MAST2: variants seen among roughly 807,000 people sequenced by gnomAD.
MAST2 encodes microtubule-associated serine/threonine-protein kinase 2.
MAST2 carries 70 observed loss-of-function variants against 147.4 expected under a neutral mutation model. That is an observed-to-expected ratio of 0.47 (90% confidence interval 0.39 to 0.58). The LOEUF (loss-of-function observed/expected upper bound fraction) is 0.58. Ranked by LOEUF, MAST2 falls within the 20% of genes least tolerant of loss-of-function variation. The pLI is 0.00. For synonymous variants in MAST2, 869 were observed against 896.8 expected (o/e 0.97, Z 0.55); for missense variants, 2,080 against 2,302.3 (o/e 0.90, Z 1.98).
intron 3 of MAST2, among the ~76,000 whole-genome samples, chr1:45,835,752 G>T (rs1238662992): frequency 6.6e-6 from 1 of 151,886 alleles, no homozygotes; most frequent in Non-Finnish European, 1.5e-5. Flanking sequence ...CCATTAAACA[G>T]TCATTATTCA....
chr1:45,815,874 CT>C (rs1256590339), intron 1 of MAST2, among the ~76,000 whole-genome samples: 1 of 152,176 alleles, frequency 6.6e-6, no homozygotes, highest in Non-Finnish European at 1.5e-5. Flanking sequence ...TACTGGAGGG[CT>C]GGGAAATGTC....
At chr1:45,958,423 A>G (rs972575989) in intron 4 of MAST2, among the ~76,000 whole-genome samples, 6 of 151,598 alleles carry the variant, frequency 4.0e-5, no homozygotes, top group African/African-American at 1.5e-4. Context: ...AGTCCTTCAT[A>G]TCATTCAGCT....
In MAST2 at chr1:46,025,827, G is replaced by A; in HGVS notation, c.1919+12G>A. 6.2e-7 allele frequency: 1 copy of A among 1,614,202 alleles called. No homozygotes were observed. Among genetic ancestry groups the A allele is most frequent in the Non-Finnish European group, 8.5e-7 (1 of 1,180,028 alleles). On this transcript the variant is annotated intron_variant, in intron 16 of 28. Transcript: ENST00000361297. ...CTCAAGCCTGACAAGTATGTCCACA[G>A]TCTGTGTCCCTTGTCCAGGGTCTCC...
chr1:45,967,589 A>G (rs1661420839), intron 5 of MAST2, among the ~76,000 whole-genome samples: 2 of 152,320 alleles, frequency 1.3e-5, no homozygotes, highest in Non-Finnish European at 2.9e-5. Flanking sequence ...GTATCATCAT[A>G]AAGGTCTTCG....
chr1:45,959,030 T>C (rs954877963), intron 4 of MAST2, among the ~76,000 whole-genome samples: 1 of 152,248 alleles, frequency 6.6e-6, no homozygotes, highest in East Asian at 1.9e-4. Context: ...TGACTTGTGC[T>C]TTTTATTTTG....
chr1:45,995,663 G>A (rs969313732), intron 5 of MAST2, among the ~76,000 whole-genome samples: 2 of 152,098 alleles, frequency 1.3e-5, no homozygotes, highest in African/African-American at 2.4e-5. Flanking sequence ...TCAAGTGATC[G>A]CCCTCCTCAG....
intron 10 of MAST2, among the ~76,000 whole-genome samples, chr1:46,014,491 C>T (rs1043974479): frequency 4.0e-5 from 6 of 151,890 alleles, no homozygotes; most frequent in African/African-American, 1.5e-4. Flanking sequence ...CATGTCCCTA[C>T]AAAGGACATG....
intron 2 of MAST2, 134 bp downstream of exon 2, chr1:45,824,714 G>A: frequency 2.3e-6 from 2 of 866,848 alleles, no homozygotes; most frequent in Non-Finnish European, 1.7e-6. Context: ...TGGTAAGGCT[G>A]TCTTCCTCTC....
chr1:45,835,287 A>T (rs1645071857), intron 3 of MAST2, among the ~76,000 whole-genome samples: 1 of 152,140 alleles, frequency 6.6e-6, no homozygotes, highest in Non-Finnish European at 1.5e-5. Flanking sequence ...GACTACTTTG[A>T]CTACAGATGT....
chr1:45,977,839 A>G (rs952764829), intron 5 of MAST2, among the ~76,000 whole-genome samples: 4 of 151,342 alleles, frequency 2.6e-5, no homozygotes, highest in African/African-American at 9.7e-5. Context: ...AAAAGATACT[A>G]TGAAAAGAGT....
Position 45,817,166 on chromosome 1 carries a change from G to A in MAST2, c.178-7267G>A, listed in dbSNP as rs191289191. Among the ~76,000 whole-genome samples, 38 of 152,240 alleles carry A rather than the reference G, an allele frequency of 2.5e-4. No individual in the cohort carries two copies. The East Asian group carries it at 5.4e-3, about 22-fold the overall frequency. Reference sequence around the variant, plus strand: ...GAGAGATAGGGGTAGAAAGTTTATCGAAATGAATAACAACAGAGAACTTCC... The same window carrying A: ...GAGAGATAGGGGTAGAAAGTTTATCAAAATGAATAACAACAGAGAACTTCC... On this transcript the variant is annotated intron_variant, in intron 1 of 28. Transcript: ENST00000361297.
At chr1:45,873,205 C>CT (rs1187143920) in intron 3 of MAST2, among the ~76,000 whole-genome samples, 3 of 133,378 alleles carry the variant, frequency 2.2e-5, no homozygotes, top group African/African-American at 8.5e-5. Context: ...TTTTTTTTCT[C>CT]TTTTTTGAGA....
At chr1:45,916,247 A>G (rs1353046509) in intron 4 of MAST2, among the ~76,000 whole-genome samples, 4 of 152,202 alleles carry the variant, frequency 2.6e-5, no homozygotes, top group African/African-American at 7.2e-5. Context: ...GAAACTAACA[A>G]TGTTATCATT....
chr1:46,007,828 C>T (rs1291904688), intron 8 of MAST2, among the ~76,000 whole-genome samples: 2 of 152,198 alleles, frequency 1.3e-5, no homozygotes, highest in Non-Finnish European at 2.9e-5. Flanking sequence ...CCTCATTCAT[C>T]CCCAAGTTAG....
chr1:45,850,577 C>G (rs1308547608), intron 3 of MAST2, among the ~76,000 whole-genome samples: 3 of 152,004 alleles, frequency 2.0e-5, no homozygotes, highest in Non-Finnish European at 2.9e-5. Flanking sequence ...AGGATTCTTA[C>G]AGTTTGAGGT....
intron 4 of MAST2, among the ~76,000 whole-genome samples, chr1:45,896,568 A>G (rs781266446): frequency 1.3e-5 from 2 of 151,978 alleles, no homozygotes; most frequent in Non-Finnish European, 2.9e-5. Context: ...GTAGGGTGGA[A>G]CTCTCTCATG....
chr1:46,034,760 C>A lies in MAST2; in HGVS notation c.4091C>A (p.Ser1364Ter), dbSNP rs746627654. 11 of 1,613,940 alleles carry A rather than the reference C, an allele frequency of 6.8e-6. No homozygotes were observed. Among genetic ancestry groups the A allele is most frequent in the Non-Finnish European group, 9.3e-6 (11 of 1,180,004 alleles). ...PPTASPQRSP[S>*]PLSGHVAQAF... ...ACAGCTTCACCTCAGCGGTCCCCAT[C>A]GCCCCTGTCTGGCCATGTAGCCCAG... Residue 1364 changes from serine to a stop codon, truncating the protein, a stop_gained, in exon 29 of 29, where the codon TCG becomes TAG. Coordinates refer to ENST00000361297, the MANE Select transcript of MAST2 (RefSeq NM_015112.3). LOFTEE classifies it low-confidence loss of function (END_TRUNC).
At chr1:45,914,604 G>A (rs1434441890) in intron 4 of MAST2, among the ~76,000 whole-genome samples, 1 of 152,160 alleles carries the variant, frequency 6.6e-6, no homozygotes, top group Non-Finnish European at 1.5e-5. Flanking sequence ...GTGTACTTCA[G>A]ATTTTCTTCC....
intron 3 of MAST2, among the ~76,000 whole-genome samples, chr1:45,830,958 C>G (rs996285942): frequency 9.9e-5 from 15 of 150,806 alleles, no homozygotes; most frequent in Non-Finnish European, 1.8e-4. Flanking sequence ...ATCGCTTGAG[C>G]CTGAGCAGTT....
Sources: gnomAD v4.1 joint callset for allele counts (sites outside exome capture counted in the v4.1 genomes callset) on GRCh38, gnomAD v4.1.1 for gene constraint, MANE v1.5 for transcripts, NCBI Gene and HGNC (gene_info 2026-07-23, HGNC 2026-07-21) for gene names.